Variants in XKR9 observed in about 807,000 individuals in gnomAD.
XKR9 encodes the protein XK-related protein 9.
Under a neutral mutation model 32.0 loss-of-function variants are expected in XKR9, and 32 were observed. That is an observed-to-expected ratio of 1.00 (90% CI 0.76 to 1.34). The LOEUF (loss-of-function observed/expected upper bound fraction) is 1.34. XKR9 is among the 40% of genes most tolerant of loss of function. XKR9 has a pLI of 0.00. For synonymous variants in XKR9, 168 were observed against 143.4 expected, an observed-to-expected ratio of 1.17 and a Z score of -1.22; for missense variants, 546 against 429.7, an observed-to-expected ratio of 1.27 and a Z score of -2.39.
intron 4 of XKR9, among the ~76,000 whole-genome samples, chr8:70,732,970 T>G (rs1179163037): frequency 2.0e-5 from 3 of 152,024 alleles, no homozygotes; most frequent in African/African-American, 7.2e-5. Flanking sequence ...ATACAGAAGT[T>G]AGCTTGGTGT....
intron 2 of XKR9, among the ~76,000 whole-genome samples, chr8:70,787,926 A>T (rs566161449): frequency 6.6e-6 from 1 of 152,244 alleles, no homozygotes; most frequent in African/African-American, 2.4e-5. Flanking sequence ...CAAATAAAAA[A>T]AAATTAAGAG....
the XKR9 span, among the ~76,000 whole-genome samples, chr8:70,873,605 CT>C: frequency 6.6e-6 from 1 of 152,176 alleles, no homozygotes; most frequent in South Asian, 2.1e-4. Flanking sequence ...TGAGATGTGA[CT>C]GAATTGCTGC....
intron 3 of XKR9, among the ~76,000 whole-genome samples, chr8:70,684,672 A>G (rs2132118129): frequency 6.6e-6 from 1 of 150,664 alleles, no homozygotes; most frequent in South Asian, 2.1e-4. Flanking sequence ...ACCCCATCAA[A>G]AAGTGGGCGA....
the XKR9 span, among the ~76,000 whole-genome samples, chr8:70,959,681 A>C: frequency 6.6e-6 from 1 of 152,224 alleles, no homozygotes; most frequent in Non-Finnish European, 1.5e-5. Context: ...AAATGGCATC[A>C]TATGATATAC....
chr8:70,871,082 G>T, the XKR9 span, among the ~76,000 whole-genome samples: 2 of 152,002 alleles, frequency 1.3e-5, no homozygotes. Flanking sequence ...TACTTGCAGA[G>T]AATTTGAAAC....
At chr8:70,991,559 G>C in the XKR9 span, among the ~76,000 whole-genome samples, 1 of 152,164 alleles carries the variant, frequency 6.6e-6, no homozygotes, top group Non-Finnish European at 1.5e-5. Context: ...GGAAACACTG[G>C]CTTAAAGTTA....
chr8:70,993,688 C>G, the XKR9 span, among the ~76,000 whole-genome samples: 72 of 147,078 alleles, frequency 4.9e-4, no homozygotes, highest in African/African-American at 1.7e-3. Context: ...CTTCCTTCCA[C>G]TCTTGAAGCT....
At chr8:70,836,921 C>T in the XKR9 span, among the ~76,000 whole-genome samples, 1 of 151,968 alleles carries the variant, frequency 6.6e-6, no homozygotes, top group South Asian at 2.1e-4. Context: ...TGAAATTGCT[C>T]AGTTACATTG....
intron 4 of XKR9, among the ~76,000 whole-genome samples, chr8:70,717,742 C>A (rs539740722): frequency 6.6e-6 from 1 of 152,158 alleles, no homozygotes; most frequent in Non-Finnish European, 1.5e-5. Flanking sequence ...CATTCGACTG[C>A]GTAATACTTA....
chr8:70,872,822 A>T, the XKR9 span, among the ~76,000 whole-genome samples: 1 of 152,072 alleles, frequency 6.6e-6, no homozygotes, highest in African/African-American at 2.4e-5. Flanking sequence ...CACCACGCCC[A>T]GCTAATTTTG....
intron 2 of XKR9, among the ~76,000 whole-genome samples, chr8:70,768,133 T>C (rs1268898236): frequency 6.6e-6 from 1 of 152,218 alleles, no homozygotes; most frequent in Non-Finnish European, 1.5e-5. Flanking sequence ...TTTGTTCTCA[T>C]TGGTTTCAAA....
At chr8:70,850,477 AAAAAAAAG>A in the XKR9 span, among the ~76,000 whole-genome samples, 25 of 149,152 alleles carry the variant, frequency 1.7e-4, no homozygotes, top group African/African-American at 6.1e-4. Context: ...AAAAAAAAAA[AAAAAAAAG>A]AAAGAAAATT....
chr8:70,808,035 C>CA, the XKR9 span, among the ~76,000 whole-genome samples: 11,133 of 151,486 alleles, frequency 0.073, 476 homozygotes, highest in Non-Finnish European at 0.089. Context: ...TTAGGAAATG[C>CA]AAAAAAAACC....
the XKR9 span, among the ~76,000 whole-genome samples, chr8:70,947,783 T>A: frequency 6.6e-6 from 1 of 152,196 alleles, no homozygotes; most frequent in East Asian, 1.9e-4. Context: ...GATTTGAAAA[T>A]CAAGAGGGTT....
At chr8:71,015,651 T>G in the XKR9 span, among the ~76,000 whole-genome samples, 10 of 152,198 alleles carry the variant, frequency 6.6e-5, no homozygotes, top group Non-Finnish European at 1.3e-4. Context: ...CACATTTAAC[T>G]GCAGGGTTTT....
At chr8:70,700,183 G>T (rs539536532) in intron 3 of XKR9, among the ~76,000 whole-genome samples, 1 of 152,148 alleles carries the variant, frequency 6.6e-6, no homozygotes. Context: ...CTCTCAACTC[G>T]TCAAAGTCAT....
the XKR9 span, among the ~76,000 whole-genome samples, chr8:70,831,626 A>G: frequency 1.3e-5 from 2 of 151,976 alleles, no homozygotes; most frequent in Non-Finnish European, 2.9e-5. Context: ...ATCAGTCACA[A>G]TTCTATCATT....
the XKR9 span, among the ~76,000 whole-genome samples, chr8:71,036,095 AT>A: frequency 5.8e-3 from 879 of 152,262 alleles, 11 homozygotes; most frequent in African/African-American, 0.02. Context: ...ATGGGTCTTC[AT>A]TTCTGAAGGC....
the XKR9 span, among the ~76,000 whole-genome samples, chr8:70,801,078 T>G: frequency 6.6e-6 from 1 of 151,818 alleles, no homozygotes; most frequent in Admixed American, 6.6e-5. Flanking sequence ...TTTAAAAAAA[T>G]TAGTGTAGCT....
Sources: allele counts gnomAD v4.1 joint callset (sites outside exome capture counted in the v4.1 genomes callset), GRCh38; gene constraint gnomAD v4.1.1; transcripts MANE v1.5; gene names NCBI Gene and HGNC (gene_info 2026-07-23, HGNC 2026-07-21).